The following PJA2 variants were observed in gnomAD, a reference collection of about 807,000 sequenced individuals.
PJA2 encodes E3 ubiquitin-protein ligase Praja-2.
In PJA2, 25 loss-of-function variants were observed where a neutral mutation model predicts 69.3. That is an observed-to-expected ratio of 0.36 (90% CI 0.26 to 0.50). The LOEUF is 0.50. PJA2 is among the 20% of genes least tolerant of loss of function. The probability of loss-of-function intolerance (pLI) is 0.96; values close to 1 mark genes in which losing one functional copy is unlikely to be tolerated. For missense variants in PJA2, 809 were observed against 830.2 expected, an observed-to-expected ratio of 0.97 and a Z score of 0.31; for synonymous variants, 308 against 277.8, an observed-to-expected ratio of 1.11 and a Z score of -1.08.
chr5:109,336,998 A>C lies in PJA2; in HGVS notation c.*233T>G, dbSNP rs558839873. On this transcript the variant is annotated 3_prime_UTR_variant, in exon 10 of 10. Transcript: ENST00000361189. ...ATAAGCTTGGCTTTACAATTAATAC[A>C]AACATATTCAACTAAAGAAAATGGA... The C allele has an allele frequency of 4.1e-6, 1 of 244,130 alleles. No individual in the cohort carries two copies. Among genetic ancestry groups the C allele is most frequent in the Admixed American group, 5.1e-5 (1 of 19,420 alleles). The allele number at this position is 244,130 out of a possible 1,614,324, so 15.1% of individuals were successfully genotyped here.
intron 7 of PJA2, among the ~76,000 whole-genome samples, 185 bp from the exon 8 acceptor site, chr5:109,345,004 T>G (rs772507670): frequency 1.3e-5 from 2 of 151,854 alleles, no homozygotes; most frequent in Non-Finnish European, 2.9e-5. Context: ...ACCAAAACAT[T>G]AAATATACAC....
At chr5:109,399,217 A>G (rs1027719239) in intron 1 of PJA2, among the ~76,000 whole-genome samples, 2 of 152,018 alleles carry the variant, frequency 1.3e-5, no homozygotes, top group African/African-American at 4.8e-5. Context: ...TCTCAAAAAA[A>G]AAAAAAAAAA....
intron 9 of PJA2, among the ~76,000 whole-genome samples, chr5:109,341,585 G>T (rs1438280848): frequency 2.6e-5 from 3 of 116,290 alleles, no homozygotes; most frequent in African/African-American, 3.4e-5. Context: ...CAGCCGCCCC[G>T]TCCGGGAGGG....
intron 1 of PJA2, among the ~76,000 whole-genome samples, chr5:109,387,116 T>C (rs1747176354): frequency 6.6e-6 from 1 of 152,194 alleles, no homozygotes; most frequent in Non-Finnish European, 1.5e-5. Flanking sequence ...CACTCATTTT[T>C]ACTTCTTTCC....
chr5:109,360,309 C>G (rs926053311), intron 6 of PJA2, among the ~76,000 whole-genome samples: 14 of 152,106 alleles, frequency 9.2e-5, no homozygotes, highest in African/African-American at 2.4e-4. Context: ...CACTTCCTAC[C>G]ACACCAAGCT....
At chr5:109,344,849 A>G in intron 7 of PJA2, 30 bp from the exon 8 acceptor site, 1 of 1,413,188 alleles carries the variant, frequency 7.1e-7, no homozygotes, top group Non-Finnish European at 9.9e-7. Flanking sequence ...GTTCTTTGTT[A>G]GAAATACTTT....
intron 1 of PJA2, 130 bp from the exon 2 acceptor site, chr5:109,383,650 G>T: frequency 2.4e-6 from 1 of 411,042 alleles, no homozygotes; most frequent in Non-Finnish European, 4.3e-6. Flanking sequence ...AGCCAGCATG[G>T]TGGCAAATGC....
chr5:109,407,168 C>G (rs1747713219), intron 1 of PJA2, among the ~76,000 whole-genome samples: 1 of 152,166 alleles, frequency 6.6e-6, no homozygotes, highest in Non-Finnish European at 1.5e-5. Context: ...ACAAAATACA[C>G]TGTACATTTC....
At chr5:109,407,414 G>A (rs1388880777) in intron 1 of PJA2, among the ~76,000 whole-genome samples, 1 of 152,038 alleles carries the variant, frequency 6.6e-6, no homozygotes, top group East Asian at 1.9e-4. Flanking sequence ...TAATATCAGC[G>A]GCTTTACCAG....
intron 5 of PJA2, among the ~76,000 whole-genome samples, chr5:109,366,776 AATGACAT>A: frequency 6.6e-6 from 1 of 152,326 alleles, no homozygotes; most frequent in East Asian, 1.9e-4. Context: ...TGCTAACACA[AATGACAT>A]ATGAATAATT....
chr5:109,366,670 A>T (rs1762589230), intron 5 of PJA2, among the ~76,000 whole-genome samples: 1 of 116,262 alleles, frequency 8.6e-6, no homozygotes, highest in Non-Finnish European at 2.3e-5. Flanking sequence ...TTCATGAAGG[A>T]ATGTTATTTG....
intron 7 of PJA2, among the ~76,000 whole-genome samples, chr5:109,345,254 G>A (rs949555852): frequency 1.3e-5 from 2 of 151,370 alleles, no homozygotes; most frequent in Non-Finnish European, 2.9e-5. Flanking sequence ...TACTTGGGAG[G>A]CTGAGGCAGG....
intron 7 of PJA2, among the ~76,000 whole-genome samples, chr5:109,355,344 A>T (rs1411370268): frequency 3.9e-5 from 6 of 152,222 alleles, no homozygotes; most frequent in Non-Finnish European, 8.8e-5. Flanking sequence ...GTTCCCAAAC[A>T]TGAAAATACT....
intron 2 of PJA2, among the ~76,000 whole-genome samples, chr5:109,382,393 A>G (rs1047343451): frequency 6.6e-6 from 1 of 152,218 alleles, no homozygotes; most frequent in African/African-American, 2.4e-5. Context: ...TTGTTGACTG[A>G]GGGGTATACA....
intron 5 of PJA2, among the ~76,000 whole-genome samples, chr5:109,363,589 T>G (rs1375115232): frequency 6.6e-6 from 1 of 152,238 alleles, no homozygotes; most frequent in Non-Finnish European, 1.5e-5. Context: ...TACTTTCTTC[T>G]TGATGTTCAT....
At chr5:109,344,376 C>A in intron 8 of PJA2, 65 bp from the exon 9 acceptor site, 1 of 1,492,660 alleles carries the variant, frequency 6.7e-7, no homozygotes, top group Non-Finnish European at 9.0e-7. Context: ...TGAAAAGCAA[C>A]ATATTATACT....
Position 109,344,535 on chromosome 5 carries a change from G to A in PJA2, c.1879+170C>T, listed in dbSNP as rs564936004. ...GAACATTTGTCTCAGCCTATCGCTT[G>A]AAAATTAAAAATATTCTTGTACTAG... On this transcript the variant is annotated intron_variant, in intron 8 of 9. Coordinates refer to ENST00000361189, the MANE Select transcript of PJA2 (RefSeq NM_014819.5). 4.6e-5 allele frequency among the ~76,000 whole-genome samples: 7 copies of A among 152,310 alleles called. No homozygotes were observed. The South Asian group carries it at 1.4e-3, about 32-fold the overall frequency.
At chr5:109,363,106 G>C in intron 5 of PJA2, 84 bp from the exon 6 acceptor site, 1 of 1,180,590 alleles carries the variant, frequency 8.5e-7, no homozygotes, top group Non-Finnish European at 1.1e-6. Flanking sequence ...CCATGCAAGT[G>C]GATTCTGTTG....
At chr5:109,408,956 C>T (rs1439949245) in intron 1 of PJA2, among the ~76,000 whole-genome samples, 1 of 152,096 alleles carries the variant, frequency 6.6e-6, no homozygotes, top group Non-Finnish European at 1.5e-5. Flanking sequence ...AAATTTTAAA[C>T]TTCACAGAAC....
Sources: allele counts gnomAD v4.1 joint callset (sites outside exome capture counted in the v4.1 genomes callset), GRCh38; gene constraint gnomAD v4.1.1; transcripts MANE v1.5; gene names NCBI Gene and HGNC (gene_info 2026-07-23, HGNC 2026-07-21).